Variants in LRRTM4 observed in about 807,000 individuals in gnomAD.
LRRTM4 encodes the protein leucine-rich repeat transmembrane neuronal protein 4.
Under a neutral mutation model 47.6 loss-of-function variants are expected in LRRTM4, and 25 were observed. The ratio of observed to expected loss-of-function variants is 0.53; its 90% CI spans 0.38 to 0.73. LRRTM4 has a LOEUF of 0.73. Among genes scored for constraint, LRRTM4 ranks in the 30% least tolerant of loss-of-function variants. The pLI is 0.00. For synonymous variants in LRRTM4, 311 were observed against 269.5 expected, an observed-to-expected ratio of 1.15 and a Z score of -1.51; for missense variants, 638 against 713.4, an observed-to-expected ratio of 0.89 and a Z score of 1.20.
At chr2:77,056,794 G>A (rs1358723920) in intron 3 of LRRTM4, among the ~76,000 whole-genome samples, 1 of 152,090 alleles carries the variant, frequency 6.6e-6, no homozygotes, top group Non-Finnish European at 1.5e-5. Context: ...TTTCCAGTTT[G>A]GTGGGAAAAT....
intron 3 of LRRTM4, among the ~76,000 whole-genome samples, chr2:77,454,570 A>C (rs1451154972): frequency 6.6e-6 from 1 of 152,104 alleles, no homozygotes; most frequent in Non-Finnish European, 1.5e-5. Flanking sequence ...GTAAATCCCC[A>C]CTGGCTGCCG....
At chr2:77,281,677 A>C in intron 3 of LRRTM4, among the ~76,000 whole-genome samples, 1 of 151,954 alleles carries the variant, frequency 6.6e-6, no homozygotes. Flanking sequence ...TGGCAGAATG[A>C]TAAGTGTTAT....
intron 3 of LRRTM4, among the ~76,000 whole-genome samples, chr2:77,246,673 T>C (rs1028950274): frequency 6.6e-6 from 1 of 152,000 alleles, no homozygotes; most frequent in African/African-American, 2.4e-5. Context: ...CAGCTGAAAT[T>C]CCCTGCCTAC....
At chr2:77,070,049 T>TTTTATA (rs1553381742) in intron 3 of LRRTM4, among the ~76,000 whole-genome samples, 2 of 146,728 alleles carry the variant, frequency 1.4e-5, no homozygotes, top group African/African-American at 5.4e-5. Flanking sequence ...ACAGATCAGA[T>TTTTATA]TATATATATA....
intron 3 of LRRTM4, among the ~76,000 whole-genome samples, chr2:76,910,836 G>C (rs562388512): frequency 2.0e-5 from 3 of 152,108 alleles, no homozygotes; most frequent in Non-Finnish European, 4.4e-5. Context: ...TCTTGATTAT[G>C]TCATTAGAGC....
chr2:77,005,618 T>C (rs1677613709), intron 3 of LRRTM4, among the ~76,000 whole-genome samples: 1 of 152,156 alleles, frequency 6.6e-6, no homozygotes, highest in Non-Finnish European at 1.5e-5. Context: ...TCTTGTGCTT[T>C]TGTCATGATA....
At chr2:77,231,884 GA>G (rs1171599600) in intron 3 of LRRTM4, among the ~76,000 whole-genome samples, 2 of 152,174 alleles carry the variant, frequency 1.3e-5, no homozygotes, top group Non-Finnish European at 2.9e-5. Flanking sequence ...CACCCAGGAT[GA>G]AAAACTGTTT....
At chr2:77,438,835 G>C (rs1018634846) in intron 3 of LRRTM4, among the ~76,000 whole-genome samples, 1 of 152,124 alleles carries the variant, frequency 6.6e-6, no homozygotes, top group Non-Finnish European at 1.5e-5. Flanking sequence ...TTCATTTTAG[G>C]AAGCATGAAA....
At chr2:76,890,717 A>G (rs1397594569) in intron 3 of LRRTM4, among the ~76,000 whole-genome samples, 1 of 151,774 alleles carries the variant, frequency 6.6e-6, no homozygotes, top group Non-Finnish European at 1.5e-5. Context: ...ATCAACAAAA[A>G]ATAACGAACA....
intron 3 of LRRTM4, among the ~76,000 whole-genome samples, chr2:77,346,549 A>G (rs1265483868): frequency 1.3e-5 from 2 of 152,192 alleles, no homozygotes; most frequent in African/African-American, 4.8e-5. Flanking sequence ...ATATATTCAT[A>G]TAACTGTCAG....
chr2:77,100,171 G>A (rs1558579979), intron 3 of LRRTM4, among the ~76,000 whole-genome samples: 1 of 152,076 alleles, frequency 6.6e-6, no homozygotes, highest in African/African-American at 2.4e-5. Flanking sequence ...AATGTTGACT[G>A]CGATAGAAGA....
At chr2:77,197,311 C>T (rs774605558) in intron 3 of LRRTM4, among the ~76,000 whole-genome samples, 1 of 152,098 alleles carries the variant, frequency 6.6e-6, no homozygotes, top group African/African-American at 2.4e-5. Flanking sequence ...TGAAGGTTAA[C>T]ATAGTAAGAT....
intron 3 of LRRTM4, among the ~76,000 whole-genome samples, chr2:77,081,337 A>G (rs1045999150): frequency 3.9e-5 from 6 of 152,048 alleles, no homozygotes; most frequent in African/African-American, 1.4e-4. Flanking sequence ...TTAAAAGTAC[A>G]TTTTAAAATA....
chr2:77,018,306 G>T (rs575944463), intron 3 of LRRTM4, among the ~76,000 whole-genome samples: 62 of 122,780 alleles, frequency 5.0e-4, no homozygotes, highest in Non-Finnish European at 9.0e-4. Context: ...ACTGTGAGCT[G>T]GTGAAAAGAG....
chr2:77,401,771 T>TATATA (rs1673968312), intron 3 of LRRTM4, among the ~76,000 whole-genome samples: 2 of 151,972 alleles, frequency 1.3e-5, no homozygotes, highest in South Asian at 4.1e-4. Flanking sequence ...ATTTTTGTAT[T>TATATA]CAGAAGCAGC....
At chr2:77,058,520 T>C (rs1182470540) in intron 3 of LRRTM4, among the ~76,000 whole-genome samples, 1 of 152,112 alleles carries the variant, frequency 6.6e-6, no homozygotes, top group African/African-American at 2.4e-5. Context: ...TCTTCCACAC[T>C]CAGTATTTTC....
intron 3 of LRRTM4, among the ~76,000 whole-genome samples, chr2:76,968,684 T>C (rs1253976748): frequency 6.6e-6 from 1 of 151,518 alleles, no homozygotes; most frequent in African/African-American, 2.4e-5. Context: ...GAAAAGATAA[T>C]TGATGAGCAC....
chr2:77,250,817 G>A (rs1675581059), intron 3 of LRRTM4, among the ~76,000 whole-genome samples: 2 of 152,184 alleles, frequency 1.3e-5, no homozygotes, highest in South Asian at 2.1e-4. Flanking sequence ...TTTTCAAAAA[G>A]TAGCAGCCGG....
Position 77,217,460 on chromosome 2 carries a change from T to TATATATATATATATAC in LRRTM4, c.1551+300857_1551+300858insGTATATATATATATAT, listed in dbSNP as rs1444253738. ...AATGAAATATATATATATATATATA[T>TATATATATATATATAC]ATATATATACTAAGCCTTTAATTTA... is the stretch of plus-strand genomic sequence containing the variant. On this transcript the variant is annotated intron_variant, in intron 3 of 3. Transcript: ENST00000409884. 1.4e-5 allele frequency among the ~76,000 whole-genome samples: 2 copies of TATATATATATATATAC among 139,560 alleles called. 1 individual carries two copies. Among genetic ancestry groups the TATATATATATATATAC allele is most frequent in the Admixed American group, 1.5e-4 (2 of 13,770 alleles). The allele number at this position is 139,560 out of a possible 152,430, so 91.6% of individuals were successfully genotyped here. A position where few individuals can be genotyped will look rare whatever the true frequency, so the allele number is the denominator to read the frequency against.
Sources: gnomAD v4.1 joint callset for allele counts (sites outside exome capture counted in the v4.1 genomes callset) on GRCh38, gnomAD v4.1.1 for gene constraint, MANE v1.5 for transcripts, NCBI Gene and HGNC (gene_info 2026-07-23, HGNC 2026-07-21) for gene names.